GRIP1: variants seen among roughly 807,000 people sequenced by gnomAD.
The protein encoded by GRIP1 is glutamate receptor-interacting protein 1.
A neutral mutation model predicts 129.9 loss-of-function variants in GRIP1; 45 were observed. That is an observed-to-expected ratio of 0.35 (90% CI 0.27 to 0.44). The LOEUF (loss-of-function observed/expected upper bound fraction) is 0.44, where lower values mean the gene tolerates loss of function less well. Ranked by LOEUF, GRIP1 falls within the 20% of genes least tolerant of loss-of-function variation. GRIP1 has a pLI of 1.00. For missense variants in GRIP1, 1,196 were observed against 1,396.8 expected, an observed-to-expected ratio of 0.86 and a Z score of 2.29; for synonymous variants, 530 against 520.8, an observed-to-expected ratio of 1.02 and a Z score of -0.24.
At chr12:66,744,244 C>T (rs1260352420) in intron 1 of GRIP1, among the ~76,000 whole-genome samples, 2 of 152,062 alleles carry the variant, frequency 1.3e-5, no homozygotes, top group African/African-American at 4.8e-5. Context: ...TCCCATCATG[C>T]CACACCAGTA....
chr12:66,573,020 G>A (rs549922376), intron 2 of GRIP1, among the ~76,000 whole-genome samples: 43 of 152,104 alleles, frequency 2.8e-4, no homozygotes, highest in Non-Finnish European at 4.7e-4. Flanking sequence ...GCTTCCAGAT[G>A]CATGTTGTTA....
chr12:66,525,474 TCAA>T (rs1293056731), intron 5 of GRIP1, among the ~76,000 whole-genome samples: 2 of 152,030 alleles, frequency 1.3e-5, no homozygotes, highest in African/African-American at 4.8e-5. Flanking sequence ...TTGACAAAAT[TCAA>T]CAACACTTCA....
rs182142424 is a variant in GRIP1 at position 66,515,151 on chromosome 12, T to C, written c.724+468A>G. Among the ~76,000 whole-genome samples, 3 of 152,260 alleles carry C rather than the reference T, an allele frequency of 2.0e-5. No homozygotes were observed. The East Asian group carries it at 5.8e-4, about 29-fold the overall frequency. Reference sequence around the variant, plus strand: ...TACTACATCTCCTTTATTTTTCTTATCCCTAAATCTGATTGTGAAATAAAT... The same window carrying C: ...TACTACATCTCCTTTATTTTTCTTACCCCTAAATCTGATTGTGAAATAAAT... On this transcript the variant is annotated intron_variant, in intron 7 of 24. Coordinates refer to ENST00000359742, the MANE Select transcript of GRIP1 (RefSeq NM_001366722.1).
At chr12:66,456,399 C>G (rs920048990) in intron 9 of GRIP1, 57 bp from the exon 10 acceptor site, 43 of 934,556 alleles carry the variant, frequency 4.6e-5, no homozygotes, top group Non-Finnish European at 5.9e-5. Flanking sequence ...AACAAAGAAC[C>G]AAAAAAGAGG....
chr12:66,795,405 C>T (rs748960672), intron 1 of GRIP1, among the ~76,000 whole-genome samples: 1 of 152,156 alleles, frequency 6.6e-6, no homozygotes, highest in Non-Finnish European at 1.5e-5. Context: ...AACATAAGAC[C>T]AGCTTAGCAG....
chr12:66,700,632 G>A (rs1173187311), intron 1 of GRIP1, among the ~76,000 whole-genome samples: 1 of 152,012 alleles, frequency 6.6e-6, no homozygotes, highest in African/African-American at 2.4e-5. Context: ...CTTTTACCCA[G>A]AGACTGTGTT....
At chr12:66,433,656 C>T (rs939738287) in intron 13 of GRIP1, among the ~76,000 whole-genome samples, 1 of 152,170 alleles carries the variant, frequency 6.6e-6, no homozygotes, top group Non-Finnish European at 1.5e-5. Flanking sequence ...TCAGAAAGAC[C>T]TTTAATTAAT....
intron 1 of GRIP1, among the ~76,000 whole-genome samples, chr12:66,785,343 CATATAT>C (rs199738180): frequency 2.7e-5 from 2 of 72,778 alleles, no homozygotes; most frequent in Non-Finnish European, 2.8e-5. Context: ...TACATACATA[CATATAT>C]ATATATATAT....
chr12:66,681,786 A>C (rs1189511703), upstream of GRIP1, among the ~76,000 whole-genome samples: 5 of 152,194 alleles, frequency 3.3e-5, no homozygotes, highest in Non-Finnish European at 1.5e-5. Context: ...CAAACACCTC[A>C]ATACATGAAA....
At chr12:66,846,892 G>T (rs1488273431) in intron 1 of GRIP1, among the ~76,000 whole-genome samples, 5 of 152,134 alleles carry the variant, frequency 3.3e-5, no homozygotes, top group Non-Finnish European at 5.9e-5. Flanking sequence ...GATGAGGGAG[G>T]CAGGCTAAAG....
At chr12:66,386,493 TC>T (rs1372596799) in intron 19 of GRIP1, among the ~76,000 whole-genome samples, 1 of 151,752 alleles carries the variant, frequency 6.6e-6, no homozygotes, top group African/African-American at 2.4e-5. Flanking sequence ...AATTAGCTGG[TC>T]GTGGTGGTGG....
intron 1 of GRIP1, among the ~76,000 whole-genome samples, chr12:66,845,765 G>T (rs1367936987): frequency 6.6e-6 from 1 of 152,156 alleles, no homozygotes; most frequent in East Asian, 1.9e-4. Context: ...TCTCTATCTT[G>T]CAGGAACATC....
At chr12:66,752,667 T>C (rs535806576) in intron 1 of GRIP1, among the ~76,000 whole-genome samples, 1 of 152,106 alleles carries the variant, frequency 6.6e-6, no homozygotes, top group Non-Finnish European at 1.5e-5. Context: ...GCCAGAGACA[T>C]TGCTTACCTA....
intron 2 of GRIP1, among the ~76,000 whole-genome samples, chr12:66,587,915 A>G (rs1034265939): frequency 6.6e-6 from 1 of 152,196 alleles, no homozygotes; most frequent in Non-Finnish European, 1.5e-5. Flanking sequence ...TCTTTATAAC[A>G]TCTGTTTAAT....
chr12:66,485,358 C>T (rs1047316696), intron 7 of GRIP1, among the ~76,000 whole-genome samples: 2 of 151,382 alleles, frequency 1.3e-5, no homozygotes, highest in African/African-American at 4.9e-5. Flanking sequence ...AGGTATTTTC[C>T]CTGATTTTTT....
chr12:66,730,752 G>A (rs2036411846), intron 1 of GRIP1, among the ~76,000 whole-genome samples: 1 of 149,158 alleles, frequency 6.7e-6, no homozygotes, highest in Non-Finnish European at 1.5e-5. Flanking sequence ...TGCCCAGTGT[G>A]CTGGGGAGAA....
intron 1 of GRIP1, among the ~76,000 whole-genome samples, chr12:66,791,656 A>G (rs1248487801): frequency 1.3e-5 from 2 of 152,134 alleles, no homozygotes; most frequent in Non-Finnish European, 2.9e-5. Flanking sequence ...GAATAACTCA[A>G]CAATACTCTT....
chr12:67,039,477 C>T (rs1386774567), intron 1 of GRIP1, among the ~76,000 whole-genome samples: 2 of 152,180 alleles, frequency 1.3e-5, no homozygotes, highest in South Asian at 2.1e-4. Flanking sequence ...GGTTCTAACA[C>T]TGGAAATGAA....
At chr12:66,423,504 T>C (rs892568257) in intron 14 of GRIP1, among the ~76,000 whole-genome samples, 10 of 152,226 alleles carry the variant, frequency 6.6e-5, no homozygotes, top group African/African-American at 2.4e-4. Context: ...CTTCTGAGTT[T>C]GTGACCCTTT....
Sources: allele counts gnomAD v4.1 joint callset (sites outside exome capture counted in the v4.1 genomes callset), GRCh38; gene constraint gnomAD v4.1.1; transcripts MANE v1.5; gene names NCBI Gene and HGNC (gene_info 2026-07-23, HGNC 2026-07-21).